The following XYLT1 variants were observed in gnomAD, a reference collection of about 807,000 sequenced individuals.
The protein encoded by XYLT1 is xylosyltransferase 1.
XYLT1 carries 36 observed loss-of-function variants against 91.3 expected under a neutral mutation model. That is an observed-to-expected ratio of 0.39 (90% CI 0.30 to 0.52). XYLT1 has a LOEUF of 0.52. Ranked by LOEUF, XYLT1 falls within the 20% of genes least tolerant of loss-of-function variation. The pLI, the probability that XYLT1 is intolerant of heterozygous loss-of-function variation, is 0.68. For missense variants in XYLT1, 1,242 were observed against 1,284.5 expected (o/e 0.97, Z 0.51); for synonymous variants, 588 against 532.0 (o/e 1.11, Z -1.45).
chr16:17,303,742 T>C (rs1048758247), intron 2 of XYLT1, among the ~76,000 whole-genome samples: 7 of 152,238 alleles, frequency 4.6e-5, no homozygotes, highest in Non-Finnish European at 8.8e-5. Flanking sequence ...ACTCTGATTC[T>C]AGAAACAGGT....
At chr16:17,416,838 A>T (rs2036186118) in intron 1 of XYLT1, among the ~76,000 whole-genome samples, 1 of 152,116 alleles carries the variant, frequency 6.6e-6, no homozygotes, top group Non-Finnish European at 1.5e-5. Flanking sequence ...ACTATCGGAG[A>T]TGTGGGGGAG....
chr16:17,467,575 G>A lies in XYLT1; in HGVS notation c.363+2859C>T, dbSNP rs1203605596. On this transcript the variant is annotated intron_variant, in intron 1 of 11. Transcript: ENST00000261381. ...AAAGGAGAGCTTGCAAATCTTTTAT[G>A]GACATGCCCTCTGACTCTGTCTACT... Among the ~76,000 whole-genome samples the A allele has an allele frequency of 9.9e-5, 15 of 152,282 alleles. No homozygotes were observed. The East Asian group carries it at 2.9e-3, about 29-fold the overall frequency.
chr16:17,254,823 G>A (rs1474913198), intron 3 of XYLT1, among the ~76,000 whole-genome samples: 1 of 152,190 alleles, frequency 6.6e-6, no homozygotes, highest in Non-Finnish European at 1.5e-5. Flanking sequence ...TTTTCAGGGA[G>A]TCAAAAGTTG....
intron 2 of XYLT1, among the ~76,000 whole-genome samples, chr16:17,347,457 C>G (rs2035159309): frequency 6.6e-6 from 1 of 152,224 alleles, no homozygotes. Flanking sequence ...TGTGGCTTCT[C>G]TGGTGCTTTA....
At chr16:17,413,780 C>T (rs2036143697) in intron 1 of XYLT1, among the ~76,000 whole-genome samples, 1 of 152,090 alleles carries the variant, frequency 6.6e-6, no homozygotes, top group Non-Finnish European at 1.5e-5. Flanking sequence ...ACATCCCCTC[C>T]CAGTTCTAGC....
intron 2 of XYLT1, among the ~76,000 whole-genome samples, chr16:17,273,272 C>G (rs564497886): frequency 1.3e-5 from 2 of 152,304 alleles, no homozygotes; most frequent in East Asian, 3.9e-4. Flanking sequence ...AAAATTACAT[C>G]ATCAAAGGCC....
At chr16:17,120,763 TA>T (rs1458222420) in intron 10 of XYLT1, among the ~76,000 whole-genome samples, 1 of 152,202 alleles carries the variant, frequency 6.6e-6, no homozygotes, top group African/African-American at 2.4e-5. Flanking sequence ...AATATGTCTC[TA>T]GTGTCTGAAA....
chr16:17,459,643 G>A (rs562726603), intron 1 of XYLT1, among the ~76,000 whole-genome samples: 10 of 152,220 alleles, frequency 6.6e-5, no homozygotes, highest in South Asian at 6.2e-4. Flanking sequence ...CTTTCTTTTC[G>A]TTCAGCTCCC....
At position 17,106,478 on chromosome 16, in the gene XYLT1, C is replaced by T. The variant is rs1237617004; in HGVS notation, c.*2217G>A. The T allele has an allele frequency of 2.6e-5, 4 of 152,284 alleles. No individual in the cohort carries two copies. Among genetic ancestry groups the T allele is most frequent in the Non-Finnish European group, 2.9e-5 (2 of 68,094 alleles). 9.4% of individuals were successfully genotyped at this position (152,284 alleles called of 1,614,324 possible). A position where few individuals can be genotyped will look rare whatever the true frequency, so the allele number is the denominator to read the frequency against. On this transcript the variant is annotated 3_prime_UTR_variant, in exon 12 of 12. Coordinates refer to ENST00000261381, the MANE Select transcript of XYLT1 (RefSeq NM_022166.4). ...TGGAATCGCTGTTGAGAATGGCTAT[C>T]TCCCGGACTCTGCTGCCTGGATCTG...
rs776422861 is a variant in XYLT1 at position 17,138,468 on chromosome 16, G to C, written c.1651C>G (p.Arg551Gly). ...HCDTMVDNNL[R>G]ITNWNRKLGC... ...AGCTTGCGATTCCAGTTGGTGATGCGCAGGTTGTTGTCCACCATGGTGTCG... is the reference window on the plus strand; with the variant it reads ...AGCTTGCGATTCCAGTTGGTGATGCCCAGGTTGTTGTCCACCATGGTGTCG... The change falls in exon 8 of 12, where the codon CGC becomes GGC. Residue 551 changes from arginine (R) to glycine (G), a missense_variant. Physicochemically the swap from Arg to Gly is moderately radical, Grantham distance 125. Transcript: ENST00000261381. 1 of 1,614,190 alleles carries C rather than the reference G, an allele frequency of 6.2e-7. No individual in the cohort carries two copies. Among genetic ancestry groups the C allele is most frequent in the Non-Finnish European group, 8.5e-7 (1 of 1,180,036 alleles).
chr16:17,292,154 G>T (rs2034239480), intron 2 of XYLT1, among the ~76,000 whole-genome samples: 1 of 151,444 alleles, frequency 6.6e-6, no homozygotes, highest in Non-Finnish European at 1.5e-5. Flanking sequence ...TTTTTGAAAG[G>T]TTCTAAATAT....
At chr16:17,145,810 C>T (rs2031115862) in intron 6 of XYLT1, among the ~76,000 whole-genome samples, 15 of 152,322 alleles carry the variant, frequency 9.8e-5, no homozygotes, top group Admixed American at 9.1e-4. Flanking sequence ...GGCTGTGGCA[C>T]AAAAATGCTT....
At chr16:17,442,016 G>C (rs1163409073) in intron 1 of XYLT1, among the ~76,000 whole-genome samples, 2 of 151,894 alleles carry the variant, frequency 1.3e-5, no homozygotes, top group African/African-American at 4.8e-5. Context: ...CATTTGCACT[G>C]GTGGCTGATC....
intron 11 of XYLT1, among the ~76,000 whole-genome samples, chr16:17,112,239 G>A (rs754948328): frequency 2.3e-4 from 35 of 152,226 alleles, no homozygotes; most frequent in Non-Finnish European, 4.6e-4. Flanking sequence ...GATTTCTTGC[G>A]ATTACCAGGG....
chr16:17,336,842 G>A (rs1223154914), intron 2 of XYLT1, among the ~76,000 whole-genome samples: 1 of 152,206 alleles, frequency 6.6e-6, no homozygotes, highest in Non-Finnish European at 1.5e-5. Context: ...ATCGTGTCAA[G>A]CAGTCCTAGA....
intron 2 of XYLT1, among the ~76,000 whole-genome samples, chr16:17,275,835 T>C (rs1272625316): frequency 6.6e-6 from 1 of 152,132 alleles, no homozygotes; most frequent in Non-Finnish European, 1.5e-5. Context: ...ACTCATCCTT[T>C]GCCTGTGTGG....
intron 2 of XYLT1, among the ~76,000 whole-genome samples, chr16:17,278,127 G>A (rs1329311356): frequency 1.3e-5 from 2 of 152,208 alleles, no homozygotes; most frequent in African/African-American, 4.8e-5. Flanking sequence ...TCAAGGGGCT[G>A]AGCAGTAGTG....
chr16:17,313,452 T>A (rs906630124), intron 2 of XYLT1, among the ~76,000 whole-genome samples: 1 of 152,218 alleles, frequency 6.6e-6, no homozygotes, highest in Admixed American at 6.5e-5. Context: ...CTGACTTTTA[T>A]GGAGTGTTGG....
Position 17,259,021 on chromosome 16 carries a change from G to A in XYLT1, c.880C>T (p.Pro294Ser). 6.6e-7 allele frequency: 1 copy of A among 1,509,906 alleles called. No individual in the cohort carries two copies. The highest frequency in any genetic ancestry group is 8.9e-7 in the Non-Finnish European group (1 of 1,129,176). 93.5% of individuals were successfully genotyped at this position (1,509,906 alleles called of 1,614,324 possible). The change falls in exon 3 of 12, where the codon CCT becomes TCT. Residue 294 changes from proline to serine, a missense_variant. Physicochemically the swap from Pro to Ser is moderately conservative, Grantham distance 74. Coordinates refer to ENST00000261381, the MANE Select transcript of XYLT1 (RefSeq NM_022166.4). ...YCRHKLGLLMPEKVTRFCPLE... is the reference protein window; with the variant it reads ...YCRHKLGLLMSEKVTRFCPLE... Reference sequence around the variant, plus strand: ...GGGCAGAACCGAGTCACCTTCTCAGGCATCAGCAGCCCTAACTTGTGGCGG... The same window carrying A: ...GGGCAGAACCGAGTCACCTTCTCAGACATCAGCAGCCCTAACTTGTGGCGG...
Sources: gnomAD v4.1 joint callset for allele counts (sites outside exome capture counted in the v4.1 genomes callset) on GRCh38, gnomAD v4.1.1 for gene constraint, MANE v1.5 for transcripts, NCBI Gene and HGNC (gene_info 2026-07-23, HGNC 2026-07-21) for gene names.